The following IL1RAPL1 variants were observed in gnomAD, a reference collection of about 807,000 sequenced individuals.
IL1RAPL1 encodes interleukin-1 receptor accessory protein-like 1.
IL1RAPL1 carries 3 observed loss-of-function variants against 48.4 expected under a neutral mutation model. The ratio of observed to expected loss-of-function variants is 0.06; its 90% CI spans 0.03 to 0.16. The LOEUF is 0.16. Ranked by LOEUF, IL1RAPL1 falls within the 10% of genes least tolerant of loss-of-function variation. The pLI is 1.00. For missense variants in IL1RAPL1, 349 were observed against 530.6 expected (o/e 0.66, Z 3.36); for synonymous variants, 185 against 187.7 (o/e 0.99, Z 0.12).
At chrX:29,329,685 C>T (rs925766986) in intron 3 of IL1RAPL1, among the ~76,000 whole-genome samples, 2 of 109,572 alleles carry the variant, frequency 1.8e-5, no homozygotes, top group Admixed American at 9.8e-5. Context: ...TGGTGGCACA[C>T]GCCTGTAGAC....
At chrX:29,782,915 T>C (rs1929385413) in intron 6 of IL1RAPL1, among the ~76,000 whole-genome samples, 1 of 77,235 alleles carries the variant, frequency 1.3e-5, no homozygotes, top group Non-Finnish European at 2.5e-5. Context: ...TTTTTTTTTT[T>C]TTTTTTTGAG....
chrX:29,493,295 G>A (rs1361651881), intron 5 of IL1RAPL1, among the ~76,000 whole-genome samples: 1 of 111,752 alleles, frequency 8.9e-6, no homozygotes, highest in Non-Finnish European at 1.9e-5. Context: ...AACTAATTTT[G>A]GGGATACCAC....
At chrX:29,123,056 G>T (rs185681446) in intron 2 of IL1RAPL1, among the ~76,000 whole-genome samples, 453 of 107,718 alleles carry the variant, frequency 4.2e-3, no homozygotes, top group African/African-American at 0.014. Flanking sequence ...TTGAGATGGA[G>T]TCTCATTCTG....
At chrX:29,396,529 G>A (rs752870812) in intron 4 of IL1RAPL1, 85 bp downstream of exon 4, 43 of 843,384 alleles carry the variant, frequency 5.1e-5, no homozygotes, top group East Asian at 6.2e-5. Context: ...AAACTTAGAT[G>A]GGTGTGATAT....
intron 6 of IL1RAPL1, among the ~76,000 whole-genome samples, chrX:29,734,340 T>C (rs1474172749): frequency 1.8e-5 from 2 of 112,481 alleles, no homozygotes; most frequent in African/African-American, 3.2e-5. Flanking sequence ...AACACAGATA[T>C]GTGTTACATA....
intron 2 of IL1RAPL1, among the ~76,000 whole-genome samples, chrX:29,125,788 G>A (rs1409268407): frequency 9.1e-6 from 1 of 109,730 alleles, no homozygotes; most frequent in Non-Finnish European, 1.9e-5. Flanking sequence ...GGGAGGCAGG[G>A]ATTAGATCAA....
chrX:29,522,404 T>C (rs1461244414), intron 5 of IL1RAPL1, among the ~76,000 whole-genome samples: 1 of 111,105 alleles, frequency 9.0e-6, no homozygotes, highest in Non-Finnish European at 1.9e-5. Context: ...CAAGTAATCC[T>C]CCCACCTCAG....
At chrX:29,630,710 T>C in intron 5 of IL1RAPL1, among the ~76,000 whole-genome samples, 1 of 111,023 alleles carries the variant, frequency 9.0e-6, no homozygotes. Context: ...AGCTAATTTT[T>C]TGTATTTTTA....
At chrX:28,788,632 A>AT (rs140618332) in intron 1 of IL1RAPL1, among the ~76,000 whole-genome samples, 9,555 of 92,636 alleles carry the variant, frequency 0.1, 732 homozygotes, top group African/African-American at 0.25. Flanking sequence ...ACGCCCAGCT[A>AT]TTTTTTTTTT....
chrX:29,584,925 T>C (rs907053585), intron 5 of IL1RAPL1, among the ~76,000 whole-genome samples: 13 of 112,251 alleles, frequency 1.2e-4, no homozygotes, highest in African/African-American at 3.6e-4. Flanking sequence ...CATTTTATCC[T>C]CTTAGCTTCC....
At chrX:29,253,994 C>T (rs960533146) in intron 2 of IL1RAPL1, among the ~76,000 whole-genome samples, 8 of 111,066 alleles carry the variant, frequency 7.2e-5, no homozygotes, top group Non-Finnish European at 1.3e-4. Flanking sequence ...TGTTATTTAG[C>T]GGGACTTAAA....
At chrX:29,498,543 T>C (rs1935238544) in intron 5 of IL1RAPL1, among the ~76,000 whole-genome samples, 1 of 111,843 alleles carries the variant, frequency 8.9e-6, no homozygotes, top group South Asian at 3.6e-4. Flanking sequence ...ATTGTTTCAA[T>C]TGTTTTCTTT....
intron 2 of IL1RAPL1, among the ~76,000 whole-genome samples, chrX:29,221,150 G>A (rs762638235): frequency 9.0e-6 from 1 of 111,710 alleles, no homozygotes; most frequent in Admixed American, 9.5e-5. Context: ...TGTTTCTGCT[G>A]TGCAACCTGA....
At chrX:29,842,069 C>T (rs189003828) in intron 6 of IL1RAPL1, among the ~76,000 whole-genome samples, 1 of 112,140 alleles carries the variant, frequency 8.9e-6, no homozygotes, top group African/African-American at 3.2e-5. Context: ...AAATTCATTA[C>T]AGACTCAGTG....
chrX:29,712,408 TA>T (rs1927376283), intron 6 of IL1RAPL1, among the ~76,000 whole-genome samples: 1 of 111,841 alleles, frequency 8.9e-6, no homozygotes, highest in African/African-American at 3.2e-5. Flanking sequence ...TAAATAATTT[TA>T]AAATAGGACA....
intron 6 of IL1RAPL1, among the ~76,000 whole-genome samples, chrX:29,892,702 G>C (rs1449210597): frequency 8.9e-6 from 1 of 112,124 alleles, no homozygotes; most frequent in Non-Finnish European, 1.9e-5. Context: ...TGACAGCTTA[G>C]AGCGAGGATT....
intron 1 of IL1RAPL1, among the ~76,000 whole-genome samples, chrX:28,737,191 C>CTT (rs1935845910): frequency 1.4e-4 from 11 of 79,462 alleles, no homozygotes; most frequent in African/African-American, 2.9e-4. Flanking sequence ...TCTTTCCTTT[C>CTT]TCTTTCTTTC....
intron 9 of IL1RAPL1, among the ~76,000 whole-genome samples, chrX:29,948,835 A>C (rs1206300254): frequency 2.1e-5 from 2 of 95,554 alleles, no homozygotes; most frequent in East Asian, 6.1e-4. Flanking sequence ...ACTTGAGAAC[A>C]AAAAAAAAAA....
chrX:29,188,561 A>T (rs1930295081), intron 2 of IL1RAPL1, among the ~76,000 whole-genome samples: 1 of 105,223 alleles, frequency 9.5e-6, no homozygotes, highest in Admixed American at 1.1e-4. Flanking sequence ...GCTCTTAAGT[A>T]CTGTAGTTGG....
Sources: allele counts gnomAD v4.1 joint callset (sites outside exome capture counted in the v4.1 genomes callset), GRCh38; gene constraint gnomAD v4.1.1; transcripts MANE v1.5; gene names NCBI Gene and HGNC (gene_info 2026-07-23, HGNC 2026-07-21).